CPQ: variants seen among roughly 807,000 people sequenced by gnomAD.
CPQ encodes the protein Ser-Met dipeptidase.
A neutral mutation model predicts 45.7 loss-of-function variants in CPQ; 37 were observed. That is an observed-to-expected ratio of 0.81 (90% CI 0.62 to 1.07). The LOEUF (loss-of-function observed/expected upper bound fraction) is 1.07, where lower values mean the gene tolerates loss of function less well. CPQ is among the 50% of genes least tolerant of loss of function. The pLI is 0.00. For missense variants in CPQ, 537 were observed against 572.9 expected, an observed-to-expected ratio of 0.94 and a Z score of 0.64; for synonymous variants, 186 against 205.8, an observed-to-expected ratio of 0.90 and a Z score of 0.82.
At chr8:96,873,517 A>G (rs1284264688) in intron 3 of CPQ, among the ~76,000 whole-genome samples, 2 of 151,798 alleles carry the variant, frequency 1.3e-5, no homozygotes, top group Non-Finnish European at 1.5e-5. Flanking sequence ...AAAAATTAAT[A>G]AAGTCAATTG....
chr8:96,717,197 T>G (rs1279566672), intron 1 of CPQ, among the ~76,000 whole-genome samples: 1 of 151,382 alleles, frequency 6.6e-6, no homozygotes. Context: ...TGTGTGTGCA[T>G]GTATCTTTTT....
chr8:97,134,860 C>A (rs1270425583), intron 7 of CPQ, among the ~76,000 whole-genome samples: 1 of 152,210 alleles, frequency 6.6e-6, no homozygotes, highest in Non-Finnish European at 1.5e-5. Context: ...ATGAAATCAT[C>A]TCCAGAAAGC....
chr8:96,903,683 G>A (rs1187892714), intron 4 of CPQ, among the ~76,000 whole-genome samples: 2 of 152,182 alleles, frequency 1.3e-5, no homozygotes, highest in African/African-American at 4.8e-5. Context: ...AAGAGAAGTA[G>A]CTGTCAAGCA....
chr8:96,975,148 G>T (rs1813752612), intron 5 of CPQ, among the ~76,000 whole-genome samples: 1 of 151,776 alleles, frequency 6.6e-6, no homozygotes. Flanking sequence ...TGCTCAATTA[G>T]AAATGAAATG....
chr8:96,779,222 C>G (rs1810655044), intron 1 of CPQ, among the ~76,000 whole-genome samples: 1 of 152,078 alleles, frequency 6.6e-6, no homozygotes, highest in Non-Finnish European at 1.5e-5. Flanking sequence ...TCCCTCTTCT[C>G]TGCCTGCTGA....
chr8:96,815,514 AAAAG>A (rs778426664), intron 2 of CPQ, among the ~76,000 whole-genome samples: 15 of 152,032 alleles, frequency 9.9e-5, no homozygotes, highest in Admixed American at 6.6e-4. Context: ...TTGGAGGAAA[AAAAG>A]AAAGAAAGAA....
At chr8:96,795,973 G>A (rs1007126170) in intron 2 of CPQ, among the ~76,000 whole-genome samples, 11 of 151,878 alleles carry the variant, frequency 7.2e-5, no homozygotes, top group Non-Finnish European at 1.3e-4. Context: ...TAACACAATA[G>A]ATATGTAAAC....
chr8:97,034,909 G>C (rs1201225025), intron 6 of CPQ, among the ~76,000 whole-genome samples: 2 of 138,044 alleles, frequency 1.4e-5, no homozygotes, highest in Non-Finnish European at 3.1e-5. Context: ...TTTTTTTTTC[G>C]AGATGGAGTC....
chr8:97,082,616 T>G (rs1810969746), intron 7 of CPQ, among the ~76,000 whole-genome samples: 1 of 152,174 alleles, frequency 6.6e-6, no homozygotes, highest in Admixed American at 6.6e-5. Flanking sequence ...CCATGATCTA[T>G]GCACAATAAT....
At chr8:97,042,817 G>A (rs905646513) in intron 6 of CPQ, among the ~76,000 whole-genome samples, 2 of 152,102 alleles carry the variant, frequency 1.3e-5, no homozygotes, top group African/African-American at 4.8e-5. Context: ...TCTTAATCCT[G>A]AGTTCCAGTT....
chr8:96,745,348 G>C (rs762986532), intron 1 of CPQ, among the ~76,000 whole-genome samples: 1 of 152,096 alleles, frequency 6.6e-6, no homozygotes, highest in Non-Finnish European at 1.5e-5. Flanking sequence ...TGGTAAGTGG[G>C]CTGAAGAGCA....
chr8:97,103,364 C>T (rs1811349825), intron 7 of CPQ, among the ~76,000 whole-genome samples: 1 of 152,148 alleles, frequency 6.6e-6, no homozygotes, highest in South Asian at 2.1e-4. Flanking sequence ...ACCTTGAGGC[C>T]ATGAGGGTTT....
At chr8:96,987,460 G>A (rs549459462) in intron 5 of CPQ, among the ~76,000 whole-genome samples, 135 of 152,254 alleles carry the variant, frequency 8.9e-4, no homozygotes, top group Middle Eastern at 3.4e-3. Context: ...AAGAGAGAGA[G>A]AAAGTGAAGA....
intron 1 of CPQ, among the ~76,000 whole-genome samples, chr8:96,768,102 A>T (rs1810492937): frequency 6.6e-6 from 1 of 152,022 alleles, no homozygotes; most frequent in Non-Finnish European, 1.5e-5. Context: ...GCCGTGAAAC[A>T]TCTGCTGTAT....
chr8:97,106,496 A>G (rs903567774), intron 7 of CPQ, among the ~76,000 whole-genome samples: 1 of 152,238 alleles, frequency 6.6e-6, no homozygotes, highest in African/African-American at 2.4e-5. Flanking sequence ...CTCTTGCGGC[A>G]CGGCGTCTAG....
At chr8:97,079,538 T>C (rs1810911496) in intron 7 of CPQ, among the ~76,000 whole-genome samples, 1 of 152,162 alleles carries the variant, frequency 6.6e-6, no homozygotes, top group African/African-American at 2.4e-5. Flanking sequence ...TTGCCCAAAG[T>C]CATAAAGATA....
At chr8:96,889,857 G>T (rs372130809) in intron 4 of CPQ, among the ~76,000 whole-genome samples, 4 of 152,164 alleles carry the variant, frequency 2.6e-5, no homozygotes, top group Non-Finnish European at 5.9e-5. Context: ...CTTAGATGGT[G>T]CCCACCCAGA....
intron 2 of CPQ, among the ~76,000 whole-genome samples, chr8:96,831,242 G>A (rs564366101): frequency 6.6e-6 from 1 of 152,200 alleles, no homozygotes; most frequent in Admixed American, 6.5e-5. Flanking sequence ...GTGTGTGTGT[G>A]TGTGTGTGTT....
chr8:96,814,697 A>G (rs1256971930), intron 2 of CPQ, among the ~76,000 whole-genome samples: 1 of 152,162 alleles, frequency 6.6e-6, no homozygotes. Context: ...CACAGGTGCT[A>G]ACATCAGGGG....
Sources: gnomAD v4.1 joint callset for allele counts (sites outside exome capture counted in the v4.1 genomes callset) on GRCh38, gnomAD v4.1.1 for gene constraint, MANE v1.5 for transcripts, NCBI Gene and HGNC (gene_info 2026-07-23, HGNC 2026-07-21) for gene names.